TNFRSF25: variants seen among roughly 807,000 people sequenced by gnomAD.
The protein encoded by TNFRSF25 is tumor necrosis factor receptor superfamily member 25.
TNFRSF25 carries 28 observed loss-of-function variants against 49.4 expected under a neutral mutation model. The observed-to-expected ratio is 0.57, with a 90% CI of 0.42 to 0.78. The LOEUF (loss-of-function observed/expected upper bound fraction) is 0.78, where lower values mean the gene tolerates loss of function less well. TNFRSF25 is among the 30% of genes least tolerant of loss of function. The pLI is 0.00. For missense variants in TNFRSF25, 531 were observed against 581.6 expected (o/e 0.91, Z 0.90); for synonymous variants, 240 against 234.2 (o/e 1.02, Z -0.23).
rs1000130641 is a variant in TNFRSF25, at chr1:6,461,260, T to G, written c.*174A>C. On this transcript the variant is annotated 3_prime_UTR_variant, in exon 10 of 10. Coordinates refer to ENST00000356876, the MANE Select transcript of TNFRSF25 (RefSeq NM_003790.3). The surrounding 1 kb of genome is among the most constrained non-coding windows in gnomAD (Gnocchi z 6.3). ...CCCCCTCTCGACATTCGTTCGTGCT[T>G]CTTCGCCTTGGCTGGAGCGATAGGG... is the stretch of plus-strand genomic sequence containing the variant. The G allele has an allele frequency of 1.1e-5, 9 of 844,570 alleles. No homozygotes were observed. The East Asian group carries it at 1.3e-4, about 12-fold the overall frequency. 52.3% of individuals were successfully genotyped at this position (844,570 alleles called of 1,614,324 possible).
rs573725839 is a variant in TNFRSF25 at position 6,463,481 on chromosome 1, C to T, written c.543-354G>A. The stretch of plus-strand genomic sequence containing the variant: ...GTGGCTCATGCCTGTAATCCCAGCA[C>T]TTTGGGAGGCCAAGGCGGGTGGATC... On this transcript the variant is annotated intron_variant, in intron 5 of 9. Coordinates refer to ENST00000356876, the MANE Select transcript of TNFRSF25 (RefSeq NM_003790.3). 81 of 254,240 alleles carry T rather than the reference C, an allele frequency of 3.2e-4. 1 individual carries two copies. In the Middle Eastern group the frequency reaches 6.5e-3, roughly 20 times the overall value. The allele number at this position is 254,240 out of a possible 1,614,324, so 15.7% of individuals were successfully genotyped here.
At position 6,464,433 on chromosome 1, in the gene TNFRSF25, A is replaced by G. The variant is rs767763375; in HGVS notation, c.484T>C (p.Cys162Arg). 4 of 1,611,912 alleles carry G rather than the reference A, an allele frequency of 2.5e-6. No individual in the cohort carries two copies. Among genetic ancestry groups the G allele is most frequent in the Non-Finnish European group, 3.4e-6 (4 of 1,179,166 alleles). The change falls in exon 5 of 10, where the codon TGT becomes CGT. Residue 162 changes from cysteine to arginine, a missense_variant. Cys to Arg is a radical substitution (Grantham distance 180). Transcript: ENST00000356876. ...RLLCSRRDTDCGTCLPGFYEH... is the reference protein window; with the variant it reads ...RLLCSRRDTDRGTCLPGFYEH... ...TAGAAGCCAGGCAGGCAGGTCCCACAGTCAGTATCTCTGCGGGAACCTGCA... is the reference window on the plus strand; with the variant it reads ...TAGAAGCCAGGCAGGCAGGTCCCACGGTCAGTATCTCTGCGGGAACCTGCA...
At position 6,464,643 on chromosome 1, in the gene TNFRSF25, C is replaced by T. The variant is rs45497599; in HGVS notation, c.372G>A (p.Glu124=). ...RCGCKPGWFV[E]CQVSQCVSSS... is the part of the protein sequence containing the mutation. ...TGCTGACACATTGGCTGACCTGGCACTCCACAAACCAGCCTGGCTTACAGC... is the reference window on the plus strand; with the variant it reads ...TGCTGACACATTGGCTGACCTGGCATTCCACAAACCAGCCTGGCTTACAGC... Residue 124 remains glutamate (E), a synonymous_variant, in exon 4 of 10, where the codon GAG becomes GAA. Transcript: ENST00000356876. 7,806 of 1,614,050 alleles carry T rather than the reference C, an allele frequency of 4.8e-3. 29 individuals carry two copies. The highest frequency in any genetic ancestry group is 5.4e-3 in the Non-Finnish European group (6,415 of 1,180,020).
Position 6,463,056 on chromosome 1 carries a change from C to T in TNFRSF25, c.598+16G>A. 1 of 1,552,120 alleles carries T rather than the reference C, an allele frequency of 6.4e-7. No homozygotes were observed. The highest frequency in any genetic ancestry group is 8.7e-7 in the Non-Finnish European group (1 of 1,147,210). On this transcript the variant is annotated intron_variant, in intron 6 of 9. Coordinates refer to ENST00000356876, the MANE Select transcript of TNFRSF25 (RefSeq NM_003790.3). ...CATCCCAGTTCTCCCACTCGCATTC[C>T]CAGCACACCACCTACTCTGCCTCCA... is the stretch of plus-strand genomic sequence containing the variant.
rs761827269 is a variant in TNFRSF25 at position 6,465,536 on chromosome 1, C to T, written c.64G>A (p.Ala22Thr). ...CTACGAGTGCCGCCCTGGGCCCGGGCCCCCAGCAGCACCAGGAGGAGCGCC... is the reference window on the plus strand; with the variant it reads ...CTACGAGTGCCGCCCTGGGCCCGGGTCCCCAGCAGCACCAGGAGGAGCGCC... ...AAALLLVLLG[A>T]RAQGGTRSPR... Residue 22 changes from alanine (A) to threonine (T), a missense_variant, in exon 2 of 10, where the codon GCC (alanine) becomes ACC (threonine). Transcript: ENST00000356876. 5.0e-6 allele frequency: 8 copies of T among 1,613,354 alleles called. No homozygotes were observed. The highest frequency in any genetic ancestry group is 1.7e-4 in the Middle Eastern group (1 of 6,060).
Position 6,462,677 on chromosome 1 carries a change from CAGAG to C in TNFRSF25, c.707-15_707-12del. 6.2e-7 allele frequency: 1 copy of C among 1,613,510 alleles called. No individual in the cohort carries two copies. Among genetic ancestry groups the C allele is most frequent in the Non-Finnish European group, 8.5e-7 (1 of 1,179,656 alleles). ...TCCCAGCTTCATCTGCTGACAGACA[CAGAG>C]AGATTGCGGTCAGCCACCAGGCAAG... is the stretch of plus-strand genomic sequence containing the variant. On this transcript the variant is annotated splice_polypyrimidine_tract_variant and intron_variant, in intron 7 of 9. Coordinates refer to ENST00000356876, the MANE Select transcript of TNFRSF25 (RefSeq NM_003790.3). This position sits in a 1 kb window ranked among gnomAD's most constrained non-coding sequence, Gnocchi z 4.2.
chr1:6,462,376 CTT>C lies in TNFRSF25; in HGVS notation c.745-204_745-203del. The C allele has an allele frequency of 8.5e-7, 1 of 1,169,672 alleles. No individual in the cohort carries two copies. Among genetic ancestry groups the C allele is most frequent in the Non-Finnish European group, 1.2e-6 (1 of 856,944 alleles). 72.5% of individuals were successfully genotyped at this position (1,169,672 alleles called of 1,614,324 possible). ...AGTCCCCTGCCCCCGCCTCCTTCCT[CTT>C]GTCCCCCAGCACCATGGGGCTCTCC... On this transcript the variant is annotated intron_variant, in intron 8 of 9. Coordinates refer to ENST00000356876, the MANE Select transcript of TNFRSF25 (RefSeq NM_003790.3). This position sits in a 1 kb window ranked among gnomAD's most constrained non-coding sequence, Gnocchi z 4.2.
intron 5 of TNFRSF25, chr1:6,463,330 C>T (rs755893347): frequency 1.5e-5 from 9 of 614,496 alleles, no homozygotes; most frequent in Non-Finnish European, 2.0e-5. Flanking sequence ...TGAAGAGTCA[C>T]TAGAATGTCA....
chr1:6,462,128 G>A lies in TNFRSF25; in HGVS notation c.791C>T (p.Pro264Leu). 6.2e-7 allele frequency: 1 copy of A among 1,613,640 alleles called. No individual in the cohort carries two copies. Among genetic ancestry groups the A allele is most frequent in the East Asian group, 2.2e-5 (1 of 44,854 alleles). Residue 264 changes from proline (P) to leucine (L), a missense_variant, in exon 9 of 10, where the codon CCT becomes CTT. Transcript: ENST00000356876. The surrounding 1 kb of genome is among the most constrained non-coding windows in gnomAD (Gnocchi z 4.2). ...GCAGATCTTCTCACTGCTGTCAGGA[G>A]GTGCTAGAAGGGTGTGGGCGCTGTC... ...PLDSAHTLLAPPDSSEKICTV... is the reference protein window; with the variant it reads ...PLDSAHTLLALPDSSEKICTV...
chr1:6,462,197 G>A lies in TNFRSF25; in HGVS notation c.745-23C>T, dbSNP rs1192546553. 1.3e-6 allele frequency: 2 copies of A among 1,584,654 alleles called. No individual in the cohort carries two copies. Among genetic ancestry groups the A allele is most frequent in the Admixed American group, 1.8e-5 (1 of 55,826 alleles). On this transcript the variant is annotated intron_variant, in intron 8 of 9. Coordinates refer to ENST00000356876, the MANE Select transcript of TNFRSF25 (RefSeq NM_003790.3). The surrounding 1 kb of genome is among the most constrained non-coding windows in gnomAD (Gnocchi z 4.2). ...GGCCTGGAAGCCAAGAGGGGCCCCA[G>A]GTCAGCCCTGCTTGCCAAGTAAGGC... is the stretch of plus-strand genomic sequence containing the variant.
chr1:6,461,726 G>A lies in TNFRSF25; in HGVS notation c.962C>T (p.Pro321Leu), dbSNP rs1459189136. 1 of 1,548,804 alleles carries A rather than the reference G, an allele frequency of 6.5e-7. No individual in the cohort carries two copies. Residue 321 changes from proline (P) to leucine (L), a missense_variant, in exon 10 of 10, where the codon CCA becomes CTA. By Grantham distance (98) the Pro-to-Leu change is moderately conservative. Coordinates refer to ENST00000356876, the MANE Select transcript of TNFRSF25 (RefSeq NM_003790.3). The surrounding 1 kb of genome is among the most constrained non-coding windows in gnomAD (Gnocchi z 6.3). ...CAGCATCATGGCTGGCGAGCCGGCT[G>A]GGGACTCTGGCGAGAGTGTGGGCGC... ...AAAPTLSPES[P>L]AGSPAMMLQP...
intron 1 of TNFRSF25, 68 bp downstream of exon 1, chr1:6,466,001 C>T: frequency 6.5e-7 from 1 of 1,528,372 alleles, no homozygotes; most frequent in South Asian, 1.2e-5. Flanking sequence ...CGCCCGGGGC[C>T]CCTTCCTTCA....
chr1:6,464,789 G>A, intron 3 of TNFRSF25, 70 bp from the exon 4 acceptor site: 1 of 1,548,590 alleles, frequency 6.5e-7, no homozygotes, highest in East Asian at 2.3e-5. Context: ...GAGAGGCAGA[G>A]GCATTATCCC....
chr1:6,464,250 A>G, intron 5 of TNFRSF25, 125 bp downstream of exon 5: 1 of 1,505,676 alleles, frequency 6.6e-7, no homozygotes, highest in Non-Finnish European at 8.9e-7. Context: ...CACCCATCAC[A>G]GGGCCAAGGC....
Position 6,461,633 on chromosome 1 carries a change from CGCACGAACTCCTTCCA to C in TNFRSF25, c.1039_1054del (p.Trp347AlafsTer134). 6.2e-7 allele frequency: 1 copy of C among 1,607,664 alleles called. No individual in the cohort carries two copies. Among genetic ancestry groups the C allele is most frequent in the East Asian group, 2.2e-5 (1 of 44,820 alleles). ...CTCTGCCTCGCGCAGCCCCAGCGTG[CGCACGAACTCCTTCCA>C]GCGCCGCGCTGGGACCGCGTCCATC... On this transcript the variant is annotated frameshift_variant, in exon 10 of 10. Transcript: ENST00000356876. LOFTEE classifies it high-confidence loss of function. This position sits in a 1 kb window ranked among gnomAD's most constrained non-coding sequence, Gnocchi z 6.3.
At position 6,461,443 on chromosome 1, in the gene TNFRSF25, G is replaced by C; in HGVS notation, c.1245C>G (p.Arg415=). The change falls in exon 10 of 10, where the codon CGC becomes CGG. Residue 415 remains arginine, a synonymous_variant. Coordinates refer to ENST00000356876, the MANE Select transcript of TNFRSF25 (RefSeq NM_003790.3). The surrounding 1 kb of genome is among the most constrained non-coding windows in gnomAD (Gnocchi z 6.3). ...GCAAGTGGGCGCCGTGTCACGGGCCGCGCTGCAGGCGGCTGCGCAAGTCTT... is the reference window on the plus strand; with the variant it reads ...GCAAGTGGGCGCCGTGTCACGGGCCCCGCTGCAGGCGGCTGCGCAAGTCTT... ...CVEDLRSRLQ[R]GP The C allele has an allele frequency of 6.6e-7, 1 of 1,515,622 alleles. No individual in the cohort carries two copies. Among genetic ancestry groups the C allele is most frequent in the Non-Finnish European group, 8.8e-7 (1 of 1,133,414 alleles). 93.9% of individuals were successfully genotyped at this position (1,515,622 alleles called of 1,614,324 possible).
At chr1:6,464,529 G>A (rs760830099) in intron 4 of TNFRSF25, 23 bp downstream of exon 4, 4 of 1,613,702 alleles carry the variant, frequency 2.5e-6, no homozygotes, top group Non-Finnish European at 1.7e-6. Flanking sequence ...TGGGAGTAGA[G>A]AGCCCTGGGT....
chr1:6,461,788 T>A lies in TNFRSF25; in HGVS notation c.926-26A>T, dbSNP rs1037251099. On this transcript the variant is annotated intron_variant, in intron 9 of 9. Transcript: ENST00000356876. The surrounding 1 kb of genome is among the most constrained non-coding windows in gnomAD (Gnocchi z 6.3). ...CTGGGGCAGGGCCAGAGAGAGCCAA[T>A]TGGGGTACGTGGGCCGCGGTCGGGA... 1 of 1,488,792 alleles carries A rather than the reference T, an allele frequency of 6.7e-7. No individual in the cohort carries two copies. The highest frequency in any genetic ancestry group is 8.9e-7 in the Non-Finnish European group (1 of 1,120,660). 92.2% of individuals were successfully genotyped at this position (1,488,792 alleles called of 1,614,324 possible).
Position 6,462,664 on chromosome 1 carries a change from C to G in TNFRSF25, c.709G>C (p.Asp237His), listed in dbSNP as rs145286562. The G allele has an allele frequency of 1.9e-6, 3 of 1,613,654 alleles. No individual in the cohort carries two copies. In the South Asian group the frequency reaches 3.3e-5, roughly 18 times the overall value. The part of the protein sequence containing the change: ...CWPHKPLVTA[D>H]EAGMEALTPP... ...GTCAGAGCCTCCATCCCAGCTTCAT[C>G]TGCTGACAGACACAGAGAGATTGCG... is the stretch of plus-strand genomic sequence containing the variant. The change falls in exon 8 of 10, where the codon GAT (aspartate) becomes CAT (histidine). Residue 237 changes from aspartate to histidine, a missense_variant and splice_region_variant. Physicochemically the swap from Asp to His is moderately conservative, Grantham distance 81. Coordinates refer to ENST00000356876, the MANE Select transcript of TNFRSF25 (RefSeq NM_003790.3). This position sits in a 1 kb window ranked among gnomAD's most constrained non-coding sequence, Gnocchi z 4.2.
Sources: gnomAD v4.1 joint callset for allele counts on GRCh38, gnomAD v4.1.1 for gene constraint, Gnocchi (gnomAD v3.1) non-coding constraint, MANE v1.5 for transcripts, NCBI Gene and HGNC (gene_info 2026-07-23, HGNC 2026-07-21) for gene names.